Variants in CEP295 observed in about 807,000 individuals in gnomAD.
CEP295 encodes centrosomal protein 295.
A neutral mutation model predicts 291.6 loss-of-function variants in CEP295; 190 were observed. The observed-to-expected ratio is 0.65, with a 90% CI of 0.58 to 0.73. CEP295 has a LOEUF of 0.73. Ranked by LOEUF, CEP295 falls within the 30% of genes least tolerant of loss-of-function variation. CEP295 has a pLI of 0.00. For synonymous variants in CEP295, 993 were observed against 1,038.8 expected, an observed-to-expected ratio of 0.96 and a Z score of 0.85; for missense variants, 2,863 against 2,949.4, an observed-to-expected ratio of 0.97 and a Z score of 0.68.
intron 5 of CEP295, among the ~76,000 whole-genome samples, chr11:93,674,786 AT>A (rs1025672015): frequency 6.6e-6 from 1 of 152,174 alleles, no homozygotes; most frequent in African/African-American, 2.4e-5. Flanking sequence ...ATGGTTTATT[AT>A]TTAATTTATG....
Position 93,720,717 on chromosome 11 carries a change from C to T in CEP295, c.5750-595C>T, listed in dbSNP as rs563601882. Among the ~76,000 whole-genome samples, 205 of 152,204 alleles carry T rather than the reference C, an allele frequency of 1.3e-3. 1 individual carries two copies. The highest frequency in any genetic ancestry group is 1.8e-3 in the Non-Finnish European group (124 of 68,016). On this transcript the variant is annotated intron_variant, in intron 18 of 29. Coordinates refer to ENST00000325212, the MANE Select transcript of CEP295 (RefSeq NM_033395.2). The stretch of plus-strand genomic sequence containing the variant: ...AAGCAAGCCACCCTCCCACCTCAGT[C>T]TCCTGAGTAGCTGCGACTACAGGTG...
In CEP295 at chr11:93,699,272, G is replaced by A. The variant is rs779950950; in HGVS notation, c.4360G>A (p.Asp1454Asn). The A allele has an allele frequency of 5.2e-6, 8 of 1,551,796 alleles. No individual in the cohort carries two copies. In the South Asian group the frequency reaches 9.5e-5, roughly 18 times the overall value. ...GLSHLVLPQQ[D>N]NLIALEEHLH... ...ATCACATCTTGTTTTACCTCAACAA[G>A]ATAATTTGATTGCACTTGAAGAACA... Residue 1454 changes from aspartate (D) to asparagine (N), a missense_variant, in exon 15 of 30, where the codon GAT becomes AAT. This residue lies in a region of CEP295 where 2,295 missense variants were observed against 2,335.7 expected (regional missense o/e 0.98). Transcript: ENST00000325212.
At chr11:93,729,579 C>A (rs963605189) in intron 26 of CEP295, 35 bp from the exon 27 acceptor site, 8 of 1,549,538 alleles carry the variant, frequency 5.2e-6, no homozygotes, top group Non-Finnish European at 7.0e-6. Context: ...AGATACTTTG[C>A]CTATTTCTGT....
intron 1 of CEP295, among the ~76,000 whole-genome samples, chr11:93,662,086 C>T (rs1950017014): frequency 6.6e-6 from 1 of 152,180 alleles, no homozygotes; most frequent in African/African-American, 2.4e-5. Flanking sequence ...GGGGGAGGGG[C>T]GCTTCCCCCA....
chr11:93,674,279 A>G (rs1950583661), intron 5 of CEP295, among the ~76,000 whole-genome samples: 2 of 152,000 alleles, frequency 1.3e-5, no homozygotes, highest in Admixed American at 1.3e-4. Flanking sequence ...TGTCCTTTAT[A>G]TTGTTTCTGT....
intron 15 of CEP295, among the ~76,000 whole-genome samples, chr11:93,701,209 AC>A (rs552113521): frequency 2.6e-5 from 4 of 152,130 alleles, no homozygotes; most frequent in Non-Finnish European, 5.9e-5. Flanking sequence ...TACAAAAAAT[AC>A]AAAAATTAGC....
chr11:93,722,103 T>G, intron 20 of CEP295, 53 bp downstream of exon 20: 1 of 1,026,954 alleles, frequency 9.7e-7, no homozygotes, highest in Non-Finnish European at 1.5e-6. Flanking sequence ...ACCAGTTGAG[T>G]TGCAATACAG....
intron 18 of CEP295, among the ~76,000 whole-genome samples, chr11:93,713,318 T>C (rs1462589637): frequency 3.9e-5 from 6 of 152,342 alleles, no homozygotes; most frequent in African/African-American, 1.4e-4. Context: ...AGATCATTTT[T>C]TATTGCTTAC....
chr11:93,707,033 G>A, intron 18 of CEP295, 136 bp downstream of exon 18: 1 of 754,064 alleles, frequency 1.3e-6, no homozygotes, highest in Non-Finnish European at 2.0e-6. Flanking sequence ...TTATGATGCA[G>A]TTAACTATAT....
chr11:93,700,015 C>G lies in CEP295; in HGVS notation c.5103C>G (p.Val1701=), dbSNP rs1354831492. The G allele has an allele frequency of 3.5e-5, 54 of 1,551,624 alleles. No individual in the cohort carries two copies. Among genetic ancestry groups the G allele is most frequent in the Non-Finnish European group, 4.4e-5 (51 of 1,147,000 alleles). Reference sequence around the variant, plus strand: ...GACTTTTGAGTTTTTCACAGTCTGTCTTAACTCAGCAAGATAACTTGGGAC... The same window carrying G: ...GACTTTTGAGTTTTTCACAGTCTGTGTTAACTCAGCAAGATAACTTGGGAC... ...QDRLLSFSQS[V]LTQQDNLGLQ... is the part of the protein sequence containing the mutation. Residue 1701 remains valine (V), a synonymous_variant, in exon 15 of 30, where the codon GTC becomes GTG. Coordinates refer to ENST00000325212, the MANE Select transcript of CEP295 (RefSeq NM_033395.2).
At chr11:93,714,897 C>T (rs1953136516) in intron 18 of CEP295, among the ~76,000 whole-genome samples, 2 of 152,204 alleles carry the variant, frequency 1.3e-5, no homozygotes, top group South Asian at 2.1e-4. Flanking sequence ...GGAGGGGTGA[C>T]ACAAGCACCC....
rs1951891785 is a variant in CEP295, at chr11:93,697,302, C to A, written c.2390C>A (p.Ser797Tyr). 1 of 1,551,748 alleles carries A rather than the reference C, an allele frequency of 6.4e-7. No homozygotes were observed. The highest frequency in any genetic ancestry group is 8.7e-7 in the Non-Finnish European group (1 of 1,147,004). Residue 797 changes from serine to tyrosine, a missense_variant, in exon 15 of 30, where the codon TCT (serine) becomes TAT (tyrosine). By Grantham distance (144) the Ser-to-Tyr change is moderately radical (BLOSUM62 -2). Around this residue, in one of 3 missense-constraint regions of CEP295, gnomAD observed 2,295 missense variants for 2,335.7 expected, o/e 0.98. Transcript: ENST00000325212. ...VPLVPQHSFSSLPVKVESGKI... is the reference protein window; with the variant it reads ...VPLVPQHSFSYLPVKVESGKI... ...CTGGTACCTCAGCATTCTTTTAGTT[C>A]TCTGCCTGTTAAAGTTGAGTCAGGA...
chr11:93,687,650 T>C lies in CEP295; in HGVS notation c.1121T>C (p.Leu374Ser), dbSNP rs1467035010. The change falls in exon 10 of 30, where the codon TTG (leucine) becomes TCG (serine). Residue 374 changes from leucine to serine, a missense_variant. Coordinates refer to ENST00000325212, the MANE Select transcript of CEP295 (RefSeq NM_033395.2). ...CCCTTTTTCTTTCTTTTAGTTCCCT[T>C]GGTAATGAAGACCCAACAGATTCCT... Reference protein sequence around the residue: ...EICSSETDVPLVMKTQQIPSK... With the variant: ...EICSSETDVPSVMKTQQIPSK... The C allele has an allele frequency of 6.7e-7, 1 of 1,498,046 alleles. No individual in the cohort carries two copies. The highest frequency in any genetic ancestry group is 1.4e-5 in the African/African-American group (1 of 71,142). The allele number at this position is 1,498,046 out of a possible 1,614,324, so 92.8% of individuals were successfully genotyped here.
intron 18 of CEP295, among the ~76,000 whole-genome samples, chr11:93,708,332 G>C (rs2135203381): frequency 6.6e-6 from 1 of 152,104 alleles, no homozygotes; most frequent in Admixed American, 6.5e-5. Context: ...GATAACCTTT[G>C]TTCTACTCTC....
Position 93,729,385 on chromosome 11 carries a change from C to T in CEP295, c.7303-49C>T, listed in dbSNP as rs115457117. The T allele has an allele frequency of 1.0e-3, 1,340 of 1,286,804 alleles. 15 individuals are homozygous for T. The African/African-American group carries it at 0.016, about 16-fold the overall frequency. 79.7% of individuals were successfully genotyped at this position (1,286,804 alleles called of 1,614,324 possible). On this transcript the variant is annotated intron_variant, in intron 25 of 29. Coordinates refer to ENST00000325212, the MANE Select transcript of CEP295 (RefSeq NM_033395.2). The stretch of plus-strand genomic sequence containing the variant: ...TCTAATCTGACAGCAGAGCAAGACC[C>T]GCTTAAAGCGTTTAAAAAGAGTAAA...
chr11:93,717,627 A>T (rs1953365631), intron 18 of CEP295, among the ~76,000 whole-genome samples: 1 of 152,242 alleles, frequency 6.6e-6, no homozygotes, highest in African/African-American at 2.4e-5. Context: ...CTGGTAAAAC[A>T]GCAGCAGTCA....
At position 93,727,615 on chromosome 11, in the gene CEP295, TAC is replaced by T. The variant is rs1954252416; in HGVS notation, c.7141_7142del (p.Gln2381GlufsTer27). ...TTTGCAAGTTCTGGATCATTTTCATTACAGAGCTCTATACCAGTCTGGGTAAG... is the reference window on the plus strand; with the variant it reads ...TTTGCAAGTTCTGGATCATTTTCATTAGAGCTCTATACCAGTCTGGGTAAG... On this transcript the variant is annotated frameshift_variant, in exon 24 of 30. Transcript: ENST00000325212. LOFTEE classifies it high-confidence loss of function. The T allele has an allele frequency of 6.5e-7, 1 of 1,548,712 alleles. No individual in the cohort carries two copies. Among genetic ancestry groups the T allele is most frequent in the African/African-American group, 1.4e-5 (1 of 72,726 alleles).
At chr11:93,704,834 C>T (rs1169708335) in intron 17 of CEP295, among the ~76,000 whole-genome samples, 3 of 152,062 alleles carry the variant, frequency 2.0e-5, no homozygotes, top group Non-Finnish European at 4.4e-5. Flanking sequence ...TCTTCCTGCC[C>T]CTACACACCC....
At position 93,676,025 on chromosome 11, in the gene CEP295, A is replaced by G. The variant is rs115963339; in HGVS notation, c.624+359A>G. 5.1e-3 allele frequency among the ~76,000 whole-genome samples: 770 copies of G among 152,206 alleles called. 11 individuals are homozygous for G. The highest frequency in any genetic ancestry group is 0.017 in the African/African-American group (710 of 41,596). ...AGTGGAATATAGTTAATGTTTTAAT[A>G]AATTCATTATAACCTTTATTTAAAT... On this transcript the variant is annotated intron_variant, in intron 6 of 29. Transcript: ENST00000325212.
Sources: gnomAD v4.1 joint callset for allele counts (sites outside exome capture counted in the v4.1 genomes callset) on GRCh38, gnomAD v4.1.1 for gene constraint, gnomAD v4.1.1 regional missense constraint, MANE v1.5 for transcripts, NCBI Gene and HGNC (gene_info 2026-07-23, HGNC 2026-07-21) for gene names.